NELFB: variants seen among roughly 807,000 people sequenced by gnomAD.
The protein encoded by NELFB is negative elongation factor complex member B.
In NELFB, 34 loss-of-function variants were observed where a neutral mutation model predicts 60.2. The ratio of observed to expected loss-of-function variants is 0.56; its 90% confidence interval spans 0.43 to 0.75. NELFB has a LOEUF of 0.75. NELFB is among the 30% of genes least tolerant of loss of function. NELFB has a pLI of 0.00. For missense variants in NELFB, 770 were observed against 831.6 expected (o/e 0.93, Z 0.91); for synonymous variants, 459 against 382.1 (o/e 1.20, Z -2.35).
intron 4 of NELFB, among the ~76,000 whole-genome samples, chr9:137,258,346 A>C (rs938052056): frequency 3.3e-5 from 5 of 149,904 alleles, no homozygotes; most frequent in African/African-American, 1.2e-4. Context: ...CTGGTCTCGA[A>C]CTCCTGGGCT....
In NELFB at chr9:137,272,528, C is replaced by G. The variant is rs371761899; in HGVS notation, c.1653C>G (p.His551Gln). The change falls in exon 12 of 13, where the codon CAC becomes CAG. Residue 551 changes from histidine to glutamine, a missense_variant. Physicochemically the swap from His to Gln is conservative, Grantham distance 24. Coordinates refer to ENST00000343053, the MANE Select transcript of NELFB (RefSeq NM_015456.5). ...CCAGGAAGGAGAACGTGCACCGGCA[C>G]GCGCTGCGGCTCCTCATTCACCTGC... 6.8e-6 allele frequency: 11 copies of G among 1,612,258 alleles called. No homozygotes were observed. Among genetic ancestry groups the G allele is most frequent in the Non-Finnish European group, 8.5e-6 (10 of 1,179,650 alleles).
At chr9:137,256,207 C>A in intron 2 of NELFB, 122 bp from the exon 3 acceptor site, 3 of 1,342,044 alleles carry the variant, frequency 2.2e-6, no homozygotes, top group Non-Finnish European at 2.1e-6. Context: ...CTGAGTGACC[C>A]CTTGACCCAT....
rs1830601165 is a variant in NELFB at position 137,272,864 on chromosome 9, A to G, written c.1823A>G (p.Gln608Arg). Residue 608 changes from glutamine to arginine, a missense_variant, in exon 13 of 13, where the codon CAG (glutamine) becomes CGG (arginine). By Grantham distance (43) the Gln-to-Arg change is conservative. Coordinates refer to ENST00000343053, the MANE Select transcript of NELFB (RefSeq NM_015456.5). ...GATCACCGGAAGCCCAGCCCGGCAC[A>G]GGCTGCGGAGACGCCGGCCCTGGAG... The G allele has an allele frequency of 1.9e-6, 3 of 1,548,930 alleles. No individual in the cohort carries two copies. Among genetic ancestry groups the G allele is most frequent in the African/African-American group, 2.7e-5 (2 of 73,020 alleles).
intron 10 of NELFB, 145 bp downstream of exon 10, chr9:137,267,491 T>A (rs867100761): frequency 4.5e-5 from 6 of 133,542 alleles, no homozygotes; most frequent in South Asian, 2.4e-4. Flanking sequence ...TGTTTTCACC[T>A]TTTTTTTTTT....
At position 137,273,405 on chromosome 9, in the gene NELFB, C is replaced by T. The variant is rs1830609628; in HGVS notation, c.*477C>T. On this transcript the variant is annotated 3_prime_UTR_variant, in exon 13 of 13. Coordinates refer to ENST00000343053, the MANE Select transcript of NELFB (RefSeq NM_015456.5). ...GTCCTGGGGCCTGTGCGGAGGGAGC[C>T]ACCTCACCCTGCAGCCCAGTTTGCA... 6.4e-6 allele frequency: 1 copy of T among 155,814 alleles called. No individual in the cohort carries two copies. The highest frequency in any genetic ancestry group is 1.9e-4 in the East Asian group (1 of 5,286). 9.7% of individuals were successfully genotyped at this position (155,814 alleles called of 1,614,324 possible). A position where few individuals can be genotyped will look rare whatever the true frequency, so the allele number is the denominator to read the frequency against.
rs1182104556 is a variant in NELFB, at chr9:137,269,457, T to G, written c.1489+2111T>G. Among the ~76,000 whole-genome samples, 2 of 152,236 alleles carry G rather than the reference T, an allele frequency of 1.3e-5. No homozygotes were observed. Among genetic ancestry groups the G allele is most frequent in the African/African-American group, 2.4e-5 (1 of 41,456 alleles). On this transcript the variant is annotated intron_variant, in intron 10 of 12. Coordinates refer to ENST00000343053, the MANE Select transcript of NELFB (RefSeq NM_015456.5). The surrounding 1 kb of genome is among the most constrained non-coding windows in gnomAD (Gnocchi z 5.3). Reference sequence around the variant, plus strand: ...CCGGGAACATAGTTATAAATAACTTTAATTTGCCTTGGCCTGCCCACTGCA... The same window carrying G: ...CCGGGAACATAGTTATAAATAACTTGAATTTGCCTTGGCCTGCCCACTGCA...
intron 10 of NELFB, among the ~76,000 whole-genome samples, chr9:137,270,927 A>T (rs1292295473): frequency 2.0e-5 from 3 of 152,268 alleles, no homozygotes; most frequent in Admixed American, 1.3e-4. Context: ...CAAAAAAAAT[A>T]AAAACCAGTG....
At position 137,272,511 on chromosome 9, in the gene NELFB, G is replaced by C. The variant is rs760609955; in HGVS notation, c.1636G>C (p.Glu546Gln). 1 of 1,611,876 alleles carries C rather than the reference G, an allele frequency of 6.2e-7. No individual in the cohort carries two copies. The highest frequency in any genetic ancestry group is 1.1e-5 in the South Asian group (1 of 90,902). The change falls in exon 12 of 13, where the codon GAG becomes CAG. Residue 546 changes from glutamate (E) to glutamine (Q), a missense_variant. By Grantham distance (29) the Glu-to-Gln change is conservative. Transcript: ENST00000343053. Reference sequence around the variant, plus strand: ...GCCCTGCACGGCCTTTTCCAGGAAGGAGAACGTGCACCGGCACGCGCTGCG... The same window carrying C: ...GCCCTGCACGGCCTTTTCCAGGAAGCAGAACGTGCACCGGCACGCGCTGCG...
intron 4 of NELFB, among the ~76,000 whole-genome samples, chr9:137,258,597 C>T (rs986090953): frequency 6.7e-6 from 1 of 149,024 alleles, no homozygotes; most frequent in East Asian, 2.0e-4. Context: ...TACAGGCGCG[C>T]CCCACCATGC....
Position 137,272,628 on chromosome 9 carries a change from G to A in NELFB, c.1740+13G>A. On this transcript the variant is annotated intron_variant, in intron 12 of 12. Transcript: ENST00000343053. Reference sequence around the variant, plus strand: ...GCCTACAGGCCAGGTGGGTGCCCGGGGGGGCTGCATCTGAAGGCACCTGGT... The same window carrying A: ...GCCTACAGGCCAGGTGGGTGCCCGGAGGGGCTGCATCTGAAGGCACCTGGT... 6.3e-7 allele frequency: 1 copy of A among 1,575,666 alleles called. No individual in the cohort carries two copies. Among genetic ancestry groups the A allele is most frequent in the Non-Finnish European group, 8.6e-7 (1 of 1,160,892 alleles).
intron 1 of NELFB, 77 bp downstream of exon 1, chr9:137,255,688 C>G (rs1837539340): frequency 6.8e-7 from 1 of 1,466,986 alleles, no homozygotes; most frequent in East Asian, 2.5e-5. Context: ...CTGGCGGAGG[C>G]GCCGGAAGTT....
intron 10 of NELFB, among the ~76,000 whole-genome samples, chr9:137,268,476 C>T (rs1830545534): frequency 6.6e-6 from 1 of 152,178 alleles, no homozygotes; most frequent in Non-Finnish European, 1.5e-5. Context: ...ATCTCAGCTA[C>T]TTGGGAGGCT....
chr9:137,267,878 AT>A (rs1267965918), intron 10 of NELFB, among the ~76,000 whole-genome samples: 2 of 152,198 alleles, frequency 1.3e-5, no homozygotes, highest in Admixed American at 6.5e-5. Flanking sequence ...CAAAAAGGTG[AT>A]GTAAGAGCTG....
chr9:137,256,103 G>A (rs374064545), intron 2 of NELFB, 33 bp downstream of exon 2: 223 of 1,599,368 alleles, frequency 1.4e-4, no homozygotes, highest in Non-Finnish European at 1.7e-4. Flanking sequence ...CAGGTGAGAT[G>A]TGCAGCCGGC....
chr9:137,258,705 T>C (rs1174871199), intron 4 of NELFB, among the ~76,000 whole-genome samples: 2 of 152,092 alleles, frequency 1.3e-5, no homozygotes, highest in African/African-American at 4.8e-5. Context: ...TCCGCCCACC[T>C]TGGCCTCCCA....
chr9:137,264,676 A>C (rs1830497512), intron 6 of NELFB, among the ~76,000 whole-genome samples: 1 of 152,204 alleles, frequency 6.6e-6, no homozygotes, highest in African/African-American at 2.4e-5. Context: ...CATGTTGGCC[A>C]GGCTTGTCTT....
chr9:137,265,318 T>G (rs974893543), intron 6 of NELFB, among the ~76,000 whole-genome samples: 8 of 151,262 alleles, frequency 5.3e-5, no homozygotes, highest in Non-Finnish European at 1.2e-4. Context: ...GCCTTTTTTT[T>G]GTTTGTTTTT....
chr9:137,255,778 G>A (rs1445840504), intron 1 of NELFB, 129 bp from the exon 2 acceptor site: 2 of 1,507,978 alleles, frequency 1.3e-6, no homozygotes, highest in Middle Eastern at 2.2e-4. Context: ...ACGGCTGGGT[G>A]GCTTTCGGTG....
intron 2 of NELFB, 31 bp from the exon 3 acceptor site, chr9:137,256,298 G>T (rs770515565): frequency 1.3e-6 from 2 of 1,599,928 alleles, no homozygotes; most frequent in South Asian, 2.2e-5. Context: ...TTGGCGCATC[G>T]CTGCACCATC....
Sources: gnomAD v4.1 joint callset for allele counts (sites outside exome capture counted in the v4.1 genomes callset) on GRCh38, gnomAD v4.1.1 for gene constraint, Gnocchi (gnomAD v3.1) non-coding constraint, MANE v1.5 for transcripts, NCBI Gene and HGNC (gene_info 2026-07-23, HGNC 2026-07-21) for gene names.